KIAA1671: variants seen among roughly 807,000 people sequenced by gnomAD.
KIAA1671 encodes KIAA1671.
Under a neutral mutation model 131.2 loss-of-function variants are expected in KIAA1671, and 52 were observed. That is an observed-to-expected ratio of 0.40 (90% confidence interval 0.32 to 0.50). KIAA1671 has a LOEUF of 0.50. Ranked by LOEUF, KIAA1671 falls within the 20% of genes least tolerant of loss-of-function variation. KIAA1671 has a pLI of 0.73. For missense variants in KIAA1671, 2,360 were observed against 2,364.2 expected (o/e 1.00, Z 0.04); for synonymous variants, 1,003 against 961.6 (o/e 1.04, Z -0.80).
chr22:25,070,286 C>T (rs781237685), intron 6 of KIAA1671: 6 of 416,046 alleles, frequency 1.4e-5, no homozygotes, highest in Non-Finnish European at 2.6e-5. Context: ...TCCAGCGTGA[C>T]AGGAGTGAGA....
chr22:25,164,987 GT>G (rs1933596252), intron 6 of KIAA1671, among the ~76,000 whole-genome samples: 1 of 128,162 alleles, frequency 7.8e-6, no homozygotes, highest in African/African-American at 4.4e-5. Context: ...GCGTGTGTGT[GT>G]GTGTGTGTGT....
chr22:25,179,299 T>C (rs1040467808), intron 9 of KIAA1671: 15 of 1,574,306 alleles, frequency 9.5e-6, no homozygotes, highest in African/African-American at 2.7e-5. Context: ...GCGCCGCCCG[T>C]CCCGGGCCCT....
chr22:25,034,882 G>C (rs1352196483), intron 4 of KIAA1671, among the ~76,000 whole-genome samples: 1 of 151,468 alleles, frequency 6.6e-6, no homozygotes, highest in Non-Finnish European at 1.5e-5. Flanking sequence ...GGACTACAGA[G>C]GCCCGCCACC....
chr22:25,040,088 C>G lies in KIAA1671; in HGVS notation c.2958C>G (p.Ala986=), dbSNP rs1407061774. 1 of 1,551,606 alleles carries G rather than the reference C, an allele frequency of 6.4e-7. No homozygotes were observed. Among genetic ancestry groups the G allele is most frequent in the Non-Finnish European group, 8.7e-7 (1 of 1,147,022 alleles). Residue 986 remains alanine, a synonymous_variant, in exon 5 of 13, where the codon GCC becomes GCG. Transcript: ENST00000358431. The stretch of plus-strand genomic sequence containing the variant: ...ATTATGTGAGCCCCACAGCCAGTGC[C>G]TTAAGAAAACCTCAACTATCCCACT... ...RTDYVSPTAS[A]LRKPQLSHYR... is the part of the protein sequence containing the mutation.
At chr22:25,187,641 C>G (rs921764239) in intron 11 of KIAA1671, among the ~76,000 whole-genome samples, 1 of 152,124 alleles carries the variant, frequency 6.6e-6, no homozygotes, top group Non-Finnish European at 1.5e-5. Flanking sequence ...CCATGAGTGG[C>G]TGGAACCATA....
chr22:24,994,640 G>C (rs552488420), intron 1 of KIAA1671, among the ~76,000 whole-genome samples: 8 of 152,248 alleles, frequency 5.3e-5, no homozygotes, highest in Non-Finnish European at 8.8e-5. Flanking sequence ...GGCGACCGTG[G>C]CTCAGGTGAA....
At position 25,016,678 on chromosome 22, in the gene KIAA1671, C is replaced by T. The variant is rs1925343518; in HGVS notation, c.-207-8955C>T. Reference sequence around the variant, plus strand: ...CAGAAAGATTAGTGGTTGCCACGGGCTGGGGAAGAGGGGAATGGGGAGTGA... The same window carrying T: ...CAGAAAGATTAGTGGTTGCCACGGGTTGGGGAAGAGGGGAATGGGGAGTGA... On this transcript the variant is annotated intron_variant, in intron 1 of 12. Coordinates refer to ENST00000358431, the MANE Select transcript of KIAA1671 (RefSeq NM_001145206.2). Among the ~76,000 whole-genome samples, 5 of 152,224 alleles carry T rather than the reference C, an allele frequency of 3.3e-5. No individual in the cohort carries two copies. In the South Asian group the frequency reaches 1.0e-3, roughly 32 times the overall value.
At chr22:25,192,218 T>A (rs1169461911) in intron 12 of KIAA1671, among the ~76,000 whole-genome samples, 188 bp from the exon 13 acceptor site, 1 of 152,106 alleles carries the variant, frequency 6.6e-6, no homozygotes, top group East Asian at 1.9e-4. Context: ...TTGGTTTCAC[T>A]GTATTCCATG....
Position 25,195,589 on chromosome 22 carries a change from A to G in KIAA1671, c.*3188A>G, listed in dbSNP as rs1934799444. 1 of 152,226 alleles carries G rather than the reference A, an allele frequency of 6.6e-6. No homozygotes were observed. Among genetic ancestry groups the G allele is most frequent in the African/African-American group, 2.4e-5 (1 of 41,468 alleles). The allele number at this position is 152,226 out of a possible 1,614,324, so 9.4% of individuals were successfully genotyped here. ...CAACTAAGGGTATCACCAAGAAGCC[A>G]AAAGAGAAATAGGCATGAGCCTGTG... On this transcript the variant is annotated 3_prime_UTR_variant, in exon 13 of 13. Coordinates refer to ENST00000358431, the MANE Select transcript of KIAA1671 (RefSeq NM_001145206.2).
At chr22:25,102,399 A>G (rs1930733076) in intron 6 of KIAA1671, 1 of 150,314 alleles carries the variant, frequency 6.7e-6, no homozygotes, top group Non-Finnish European at 1.5e-5. Context: ...GATAGGAATT[A>G]TAATAGAAAA....
intron 11 of KIAA1671, 100 bp from the exon 12 acceptor site, chr22:25,190,602 G>T (rs755298523): frequency 6.1e-6 from 6 of 986,372 alleles, no homozygotes; most frequent in African/African-American, 4.8e-5. Context: ...CCCCAACCCC[G>T]CCTGGGCCCA....
chr22:25,060,685 A>C (rs555866171), intron 6 of KIAA1671: 2 of 152,210 alleles, frequency 1.3e-5, no homozygotes, highest in African/African-American at 4.8e-5. Flanking sequence ...GGCAGGTAGC[A>C]CAGGTGGGGG....
chr22:25,135,799 C>G (rs1448030006), intron 6 of KIAA1671, among the ~76,000 whole-genome samples: 1 of 152,242 alleles, frequency 6.6e-6, no homozygotes, highest in Non-Finnish European at 1.5e-5. Flanking sequence ...ACTGCAAAGT[C>G]AGACAGCAGC....
rs1439548134 is a variant in KIAA1671, at chr22:25,181,748, C to T, written c.5124C>T (p.Ser1708=). The T allele has an allele frequency of 2.6e-6, 4 of 1,551,634 alleles. No homozygotes were observed. In the East Asian group the frequency reaches 9.8e-5, roughly 38 times the overall value. ...AGTCGGATGAGGAGGAGACGGCATC[C>T]AAAGCTGAGAGGACCCCTGTCAGCC... The part of the protein sequence containing the change: ...KEESDEEETA[S]KAERTPVSHP... Residue 1708 remains serine (S), a synonymous_variant, in exon 10 of 13, where the codon TCC becomes TCT. Coordinates refer to ENST00000358431, the MANE Select transcript of KIAA1671 (RefSeq NM_001145206.2).
Position 25,041,054 on chromosome 22 carries a change from T to G in KIAA1671, c.3924T>G (p.Tyr1308Ter). 2.0e-6 allele frequency: 3 copies of G among 1,518,662 alleles called. No homozygotes were observed. Among genetic ancestry groups the G allele is most frequent in the Non-Finnish European group, 2.7e-6 (3 of 1,131,568 alleles). The allele number at this position is 1,518,662 out of a possible 1,614,324, so 94.1% of individuals were successfully genotyped here. A position where few individuals can be genotyped will look rare whatever the true frequency, so the allele number is the denominator to read the frequency against. ...ALPPSAPSERYPGGSPIPADP... is the reference protein window; with the variant it reads ...ALPPSAPSER ...CACCCTCGGCTCCTTCTGAAAGGTA[T>G]CCAGGGGGCTCTCCTATACCTGCGG... Residue 1308 changes from tyrosine to a stop codon, truncating the protein, a stop_gained, in exon 5 of 13, where the codon TAT (tyrosine) becomes TAG (stop). Coordinates refer to ENST00000358431, the MANE Select transcript of KIAA1671 (RefSeq NM_001145206.2). LOFTEE classifies it high-confidence loss of function.
At chr22:24,970,234 G>A (rs1470531582) in intron 1 of KIAA1671, among the ~76,000 whole-genome samples, 1 of 152,084 alleles carries the variant, frequency 6.6e-6, no homozygotes, top group Non-Finnish European at 1.5e-5. Flanking sequence ...GGACAGGCTC[G>A]AGACACCAGG....
chr22:25,072,035 AT>A (rs1354412059), intron 6 of KIAA1671, among the ~76,000 whole-genome samples: 3 of 152,278 alleles, frequency 2.0e-5, no homozygotes, highest in African/African-American at 7.2e-5. Context: ...GTGCTGGAGG[AT>A]GCCTAGGAGC....
chr22:25,132,373 C>T (rs542064368), intron 6 of KIAA1671, among the ~76,000 whole-genome samples: 42 of 152,262 alleles, frequency 2.8e-4, no homozygotes, highest in African/African-American at 9.4e-4. Context: ...GCAGCCAGGG[C>T]TGAGACCCAC....
chr22:25,111,146 C>T (rs1187939964), intron 6 of KIAA1671: 1 of 152,340 alleles, frequency 6.6e-6, no homozygotes, highest in African/African-American at 2.4e-5. Flanking sequence ...GGTCCCAAGA[C>T]GCTGCCTGTA....
Sources: allele counts gnomAD v4.1 joint callset (sites outside exome capture counted in the v4.1 genomes callset), GRCh38; gene constraint gnomAD v4.1.1; transcripts MANE v1.5; gene names NCBI Gene and HGNC (gene_info 2026-07-23, HGNC 2026-07-21).